Variants in MTHFD2L observed in about 807,000 individuals in gnomAD.
MTHFD2L encodes methylenetetrahydrofolate dehydrogenase (NADP+ dependent) 2 like, also known as bifunctional methylenetetrahydrofolate dehydrogenase/cyclohydrolase 2, mitochondrial.
A neutral mutation model predicts 34.9 loss-of-function variants in MTHFD2L; 29 were observed. The ratio of observed to expected loss-of-function variants is 0.83; its 90% CI spans 0.62 to 1.13. MTHFD2L has a LOEUF of 1.13. MTHFD2L is among the 50% of genes most tolerant of loss of function. The pLI, the probability that MTHFD2L is intolerant of heterozygous loss-of-function variation, is 0.00. For missense variants in MTHFD2L, 481 were observed against 446.5 expected, an observed-to-expected ratio of 1.08 and a Z score of -0.70; for synonymous variants, 167 against 155.7, an observed-to-expected ratio of 1.07 and a Z score of -0.54.
chr4:74,226,628 AT>A, intron 6 of MTHFD2L, among the ~76,000 whole-genome samples: 1 of 152,296 alleles, frequency 6.6e-6, no homozygotes, highest in Middle Eastern at 3.4e-3. Flanking sequence ...AGAGTTTATC[AT>A]TTACTCTGAT....
At chr4:74,243,771 G>A (rs948355892) in intron 6 of MTHFD2L, among the ~76,000 whole-genome samples, 15 of 152,044 alleles carry the variant, frequency 9.9e-5, no homozygotes, top group South Asian at 2.1e-4. Context: ...ACAGAGCCAC[G>A]CATTAAATCC....
intron 1 of MTHFD2L, among the ~76,000 whole-genome samples, chr4:74,139,498 C>A (rs1723152919): frequency 6.6e-6 from 1 of 152,174 alleles, no homozygotes; most frequent in African/African-American, 2.4e-5. Flanking sequence ...AGTAACTGAT[C>A]TCCTGCCAGA....
intron 6 of MTHFD2L, among the ~76,000 whole-genome samples, chr4:74,245,380 T>G (rs1742287286): frequency 6.6e-6 from 1 of 151,962 alleles, no homozygotes; most frequent in African/African-American, 2.4e-5. Flanking sequence ...AAAATAAACA[T>G]TTAATTCATC....
chr4:74,170,969 G>A (rs1727828025), intron 1 of MTHFD2L, among the ~76,000 whole-genome samples: 1 of 122,972 alleles, frequency 8.1e-6, no homozygotes, highest in South Asian at 3.4e-4. Context: ...CACACTTCGG[G>A]GACTGTTGTG....
intron 5 of MTHFD2L, among the ~76,000 whole-genome samples, chr4:74,209,352 C>T (rs1226021344): frequency 6.6e-6 from 1 of 152,088 alleles, no homozygotes; most frequent in Non-Finnish European, 1.5e-5. Context: ...TGCTCCCCAC[C>T]ACCCAACAGG....
intron 6 of MTHFD2L, among the ~76,000 whole-genome samples, chr4:74,265,706 T>C (rs752763598): frequency 1.3e-5 from 2 of 152,182 alleles, no homozygotes; most frequent in African/African-American, 2.4e-5. Flanking sequence ...AAAATTGCCA[T>C]GGCTAGTATT....
intron 5 of MTHFD2L, among the ~76,000 whole-genome samples, chr4:74,219,177 C>T (rs987555468): frequency 1.1e-4 from 16 of 152,024 alleles, no homozygotes; most frequent in Non-Finnish European, 2.4e-4. Context: ...TCTGCCAGTG[C>T]GGCAGGTGCC....
At chr4:74,198,215 C>A (rs1733813463) in intron 3 of MTHFD2L, among the ~76,000 whole-genome samples, 1 of 152,138 alleles carries the variant, frequency 6.6e-6, no homozygotes, top group African/African-American at 2.4e-5. Context: ...GCTTACATTT[C>A]TTCTCAAGTA....
chr4:74,223,695 A>AT (rs1283043045), intron 5 of MTHFD2L, among the ~76,000 whole-genome samples: 2 of 151,998 alleles, frequency 1.3e-5, no homozygotes, highest in Non-Finnish European at 2.9e-5. Context: ...TTTCCATGAC[A>AT]TTTTTTGTTG....
rs776051383 is a variant in MTHFD2L, at chr4:74,252,494, TAAAA to T, written c.805+27103_805+27106del. 6.6e-5 allele frequency among the ~76,000 whole-genome samples: 10 copies of T among 151,556 alleles called. No homozygotes were observed. The South Asian group carries it at 2.1e-3, about 32-fold the overall frequency. The stretch of plus-strand genomic sequence containing the variant: ...AAGTATTTTTATGGCATTATGAAGA[TAAAA>T]AAGGGATTATAGTAATGAGAGAATA... On this transcript the variant is annotated intron_variant, in intron 6 of 7. Transcript: ENST00000325278.
chr4:74,116,264 A>G (rs1350926465), intron 2 of MTHFD2L, among the ~76,000 whole-genome samples: 1 of 152,208 alleles, frequency 6.6e-6, no homozygotes, highest in Non-Finnish European at 1.5e-5. Flanking sequence ...CAGGATGGCT[A>G]GTAAAAACAG....
At chr4:74,269,766 C>T (rs1745726954) in intron 6 of MTHFD2L, among the ~76,000 whole-genome samples, 1 of 151,994 alleles carries the variant, frequency 6.6e-6, no homozygotes, top group Admixed American at 6.6e-5. Context: ...TAGAATTACA[C>T]AGAAATTTGA....
At chr4:74,167,790 A>G (rs1005709850) in intron 1 of MTHFD2L, among the ~76,000 whole-genome samples, 1 of 152,240 alleles carries the variant, frequency 6.6e-6, no homozygotes, top group African/African-American at 2.4e-5. Flanking sequence ...GTTCTTTAAC[A>G]GTGAGGCTAA....
upstream of MTHFD2L, chr4:74,157,744 G>T (rs1008685084): frequency 2.1e-6 from 1 of 471,574 alleles, no homozygotes; most frequent in Non-Finnish European, 4.2e-6. Flanking sequence ...TAGTCACGGA[G>T]ACTGTTGGGC....
intron 1 of MTHFD2L, among the ~76,000 whole-genome samples, chr4:74,133,570 TC>T (rs1360097707): frequency 2.6e-5 from 4 of 152,206 alleles, no homozygotes; most frequent in Non-Finnish European, 5.9e-5. Context: ...GCTCACTGAT[TC>T]TTTTCTCTAA....
At chr4:74,236,387 A>G (rs938147017) in intron 6 of MTHFD2L, among the ~76,000 whole-genome samples, 7 of 152,174 alleles carry the variant, frequency 4.6e-5, no homozygotes, top group Admixed American at 1.3e-4. Context: ...TGAAACATCT[A>G]TTGACTTATT....
At chr4:74,135,486 G>T (rs1384186478) in intron 1 of MTHFD2L, among the ~76,000 whole-genome samples, 2 of 152,044 alleles carry the variant, frequency 1.3e-5, no homozygotes, top group Non-Finnish European at 2.9e-5. Flanking sequence ...CCAATAATGA[G>T]TTATGAAATC....
chr4:74,228,668 C>T (rs530831285), intron 6 of MTHFD2L, among the ~76,000 whole-genome samples: 26 of 152,142 alleles, frequency 1.7e-4, no homozygotes, highest in Non-Finnish European at 3.8e-4. Context: ...TGAGTTTATC[C>T]TCTCTAGCTT....
At chr4:74,170,929 A>G (rs939359296) in intron 1 of MTHFD2L, among the ~76,000 whole-genome samples, 2 of 143,754 alleles carry the variant, frequency 1.4e-5, no homozygotes, top group Admixed American at 7.1e-5. Context: ...ATTGAACAAT[A>G]AGAACACATG....
Sources: allele counts gnomAD v4.1 joint callset (sites outside exome capture counted in the v4.1 genomes callset), GRCh38; gene constraint gnomAD v4.1.1; transcripts MANE v1.5; gene names NCBI Gene and HGNC (gene_info 2026-07-23, HGNC 2026-07-21).